Variants in STPG2 observed in about 807,000 individuals in gnomAD.
STPG2 encodes the protein sperm-tail PG-rich repeat-containing protein 2.
A neutral mutation model predicts 54.2 loss-of-function variants in STPG2; 56 were observed. That is an observed-to-expected ratio of 1.03 (90% CI 0.83 to 1.29). The LOEUF (loss-of-function observed/expected upper bound fraction) is 1.29, where lower values mean the gene tolerates loss of function less well. Among genes scored for constraint, STPG2 ranks in the 50% most tolerant of loss-of-function variants. The pLI is 0.00. For synonymous variants in STPG2, 200 were observed against 181.8 expected (o/e 1.10, Z -0.81); for missense variants, 596 against 544.9 (o/e 1.09, Z -0.93).
chr4:97,542,157 A>G (rs1038793303), intron 4 of STPG2, among the ~76,000 whole-genome samples: 3 of 151,892 alleles, frequency 2.0e-5, no homozygotes, highest in African/African-American at 7.2e-5. Context: ...TGCACTCAAA[A>G]AAACTACCAT....
chr4:97,838,083 T>C lies in STPG2; in HGVS notation c.1204+2690A>G, dbSNP rs148959710. Among the ~76,000 whole-genome samples the C allele has an allele frequency of 3.3e-5, 5 of 151,748 alleles. No individual in the cohort carries two copies. The East Asian group carries it at 9.7e-4, about 29-fold the overall frequency. On this transcript the variant is annotated intron_variant, in intron 9 of 10. Transcript: ENST00000295268. ...CTCCAAATTAAGTCAGACAATGTTA[T>C]AGTTTTATTTATGTGTACACACATA... is the stretch of plus-strand genomic sequence containing the variant.
chr4:97,945,066 T>C (rs1733150544), intron 7 of STPG2, among the ~76,000 whole-genome samples: 1 of 152,174 alleles, frequency 6.6e-6, no homozygotes. Flanking sequence ...ATAATAATTT[T>C]TATTTCGATA....
rs182612405 is a variant in STPG2 at position 97,640,381 on chromosome 4, C to T, written c.1320+72318G>A. 4.9e-3 allele frequency among the ~76,000 whole-genome samples: 741 copies of T among 151,898 alleles called. 8 individuals are homozygous for T. The highest frequency in any genetic ancestry group is 0.017 in the African/African-American group (711 of 41,492). ...TTTTTTAAGTTTGAAAATAACCTAA[C>T]TTTAAAGGACTAATTAATTTACAAG... On this transcript the variant is annotated intron_variant, in intron 10 of 10. Coordinates refer to ENST00000295268, the MANE Select transcript of STPG2 (RefSeq NM_174952.3).
chr4:97,932,550 T>C (rs974355905), intron 8 of STPG2, among the ~76,000 whole-genome samples: 3 of 152,142 alleles, frequency 2.0e-5, no homozygotes, highest in African/African-American at 7.2e-5. Flanking sequence ...CAGTGTGTGT[T>C]GTTCCCCTCC....
In STPG2 at chr4:98,076,109, T is replaced by A. The variant is rs370409853; in HGVS notation, c.612+29844A>T. On this transcript the variant is annotated intron_variant, in intron 5 of 10. Transcript: ENST00000295268. ...AATACAAAAAATTAGCCAGGCGTGG[T>A]GGCGGGCGCCTGTAGTCCCAGCTAC... Among the ~76,000 whole-genome samples, 862 of 152,104 alleles carry A rather than the reference T, an allele frequency of 5.7e-3. 4 individuals carry two copies. Among genetic ancestry groups the A allele is most frequent in the Middle Eastern group, 0.02 (6 of 294 alleles).
At chr4:97,653,431 A>T (rs1159323533) in intron 10 of STPG2, among the ~76,000 whole-genome samples, 1 of 151,926 alleles carries the variant, frequency 6.6e-6, no homozygotes, top group Non-Finnish European at 1.5e-5. Flanking sequence ...TTCTTCTACC[A>T]AAATTCCACA....
intron 9 of STPG2, among the ~76,000 whole-genome samples, chr4:97,784,022 C>A (rs2149074681): frequency 6.8e-6 from 1 of 146,814 alleles, no homozygotes; most frequent in East Asian, 2.0e-4. Context: ...ACATATGTAA[C>A]AAACCTGCAC....
intron 5 of STPG2, among the ~76,000 whole-genome samples, chr4:98,075,843 C>T (rs1441838199): frequency 2.0e-5 from 3 of 152,332 alleles, no homozygotes; most frequent in Non-Finnish European, 4.4e-5. Flanking sequence ...TGCATAATAT[C>T]ACATAAAGTT....
chr4:97,908,437 C>T (rs1731537144), intron 8 of STPG2, among the ~76,000 whole-genome samples: 1 of 149,764 alleles, frequency 6.7e-6, no homozygotes, highest in African/African-American at 2.5e-5. Context: ...CTAGTTCAAC[C>T]ATTGTGGAAG....
downstream of STPG2, among the ~76,000 whole-genome samples, chr4:97,558,160 T>C (rs1474304728): frequency 6.6e-6 from 1 of 152,192 alleles, no homozygotes; most frequent in African/African-American, 2.4e-5. Context: ...TACAGTGACA[T>C]TGTATGGATT....
At chr4:98,073,728 A>C (rs1436852649) in intron 5 of STPG2, among the ~76,000 whole-genome samples, 3 of 152,122 alleles carry the variant, frequency 2.0e-5, no homozygotes, top group Non-Finnish European at 1.5e-5. Context: ...ACTCCATCCC[A>C]AAAAATATAT....
At chr4:97,838,288 C>T (rs1302879496) in intron 9 of STPG2, among the ~76,000 whole-genome samples, 2 of 151,194 alleles carry the variant, frequency 1.3e-5, no homozygotes, top group African/African-American at 2.4e-5. Flanking sequence ...ATATGAAAGG[C>T]CATCATTCAT....
chr4:98,141,450 C>A (rs1207639040), intron 1 of STPG2, among the ~76,000 whole-genome samples: 1 of 152,184 alleles, frequency 6.6e-6, no homozygotes, highest in East Asian at 1.9e-4. Flanking sequence ...TTCCTCTGCA[C>A]AACAAAACTT....
At chr4:97,840,483 G>A (rs921066434) in intron 9 of STPG2, among the ~76,000 whole-genome samples, 7 of 151,530 alleles carry the variant, frequency 4.6e-5, no homozygotes, top group African/African-American at 1.7e-4. Flanking sequence ...AAGAGAGTCA[G>A]GGTAAATGCA....
intron 9 of STPG2, among the ~76,000 whole-genome samples, chr4:97,755,396 A>G (rs534169567): frequency 6.6e-6 from 1 of 152,280 alleles, no homozygotes; most frequent in South Asian, 2.1e-4. Context: ...TGCAAGCTCT[A>G]GTATTATTTT....
At chr4:97,752,916 G>A (rs1307581563) in intron 9 of STPG2, among the ~76,000 whole-genome samples, 1 of 151,798 alleles carries the variant, frequency 6.6e-6, no homozygotes, top group African/African-American at 2.4e-5. Flanking sequence ...ATAGTAGAGT[G>A]TCTTCCCATC....
At chr4:97,741,715 C>T (rs1725241629) in intron 9 of STPG2, among the ~76,000 whole-genome samples, 1 of 151,990 alleles carries the variant, frequency 6.6e-6, no homozygotes, top group African/African-American at 2.4e-5. Flanking sequence ...CAGGAAACAA[C>T]AGGTGCTGGA....
chr4:97,982,154 G>C (rs1472567536), intron 5 of STPG2, among the ~76,000 whole-genome samples: 1 of 152,024 alleles, frequency 6.6e-6, no homozygotes, highest in Non-Finnish European at 1.5e-5. Flanking sequence ...AAAGTGCTGG[G>C]ATTACAGATG....
intron 5 of STPG2, among the ~76,000 whole-genome samples, chr4:98,006,534 T>C (rs1735580384): frequency 6.6e-6 from 1 of 152,314 alleles, no homozygotes. Context: ...CAGCAGCAAC[T>C]GCCACTGGCA....
Sources: allele counts gnomAD v4.1 joint callset (sites outside exome capture counted in the v4.1 genomes callset), GRCh38; gene constraint gnomAD v4.1.1; transcripts MANE v1.5; gene names NCBI Gene and HGNC (gene_info 2026-07-23, HGNC 2026-07-21).